PDZRN4: variants seen among roughly 807,000 people sequenced by gnomAD.
The protein encoded by PDZRN4 is PDZ domain containing ring finger 4.
PDZRN4 carries 70 observed loss-of-function variants against 99.0 expected under a neutral mutation model. The ratio of observed to expected loss-of-function variants is 0.71; its 90% CI spans 0.58 to 0.86. The LOEUF is 0.86. PDZRN4 is among the 40% of genes least tolerant of loss of function. The probability of loss-of-function intolerance (pLI) is 0.00; values close to 1 mark genes in which losing one functional copy is unlikely to be tolerated. For missense variants in PDZRN4, 1,474 were observed against 1,331.2 expected, an observed-to-expected ratio of 1.11 and a Z score of -1.67; for synonymous variants, 551 against 501.6, an observed-to-expected ratio of 1.10 and a Z score of -1.32.
At chr12:41,560,908 G>A (rs1424914745) in intron 7 of PDZRN4, among the ~76,000 whole-genome samples, 1 of 152,152 alleles carries the variant, frequency 6.6e-6, no homozygotes, top group African/African-American at 2.4e-5. Context: ...TGGCTAAAGT[G>A]TGGCACTTAT....
rs745638939 is a variant in PDZRN4 at position 41,188,737 on chromosome 12, G to T, written c.282G>T (p.Leu94=). The part of the protein sequence containing the change: ...RARGCGHSVR[L]HELEAHVEHC... ...GCGGCTGCGGCCACTCGGTCAGGCT[G>T]CACGAGCTGGAGGCGCACGTCGAGC... is the stretch of plus-strand genomic sequence containing the variant. Residue 94 remains leucine (L), a synonymous_variant, in exon 1 of 10, where the codon CTG becomes CTT. Transcript: ENST00000402685. The T allele has an allele frequency of 6.5e-7, 1 of 1,542,440 alleles. No homozygotes were observed. The highest frequency in any genetic ancestry group is 1.2e-5 in the South Asian group (1 of 82,846).
At chr12:41,550,106 C>G (rs1939026640) in intron 5 of PDZRN4, among the ~76,000 whole-genome samples, 3 of 152,152 alleles carry the variant, frequency 2.0e-5, no homozygotes, top group African/African-American at 7.2e-5. Flanking sequence ...TGTTTTAATA[C>G]ATTCACTCAA....
At chr12:41,476,941 T>A (rs1196253168) in intron 3 of PDZRN4, among the ~76,000 whole-genome samples, 1 of 152,236 alleles carries the variant, frequency 6.6e-6, no homozygotes, top group Non-Finnish European at 1.5e-5. Flanking sequence ...TTGTGTTTTG[T>A]TATTCTGCAG....
intron 3 of PDZRN4, among the ~76,000 whole-genome samples, chr12:41,318,148 G>T (rs1052692967): frequency 2.6e-5 from 4 of 152,072 alleles, no homozygotes; most frequent in Non-Finnish European, 5.9e-5. Flanking sequence ...AAACTTTGTT[G>T]TTTAGATCGT....
In PDZRN4 at chr12:41,573,594, C is replaced by T. The variant is rs144265671; in HGVS notation, c.2815C>T (p.Arg939Cys). 3 of 1,613,224 alleles carry T rather than the reference C, an allele frequency of 1.9e-6. No individual in the cohort carries two copies. Among genetic ancestry groups the T allele is most frequent in the South Asian group, 1.1e-5 (1 of 91,020 alleles). The change falls in exon 10 of 10, where the codon CGC becomes TGC. Residue 939 changes from arginine (R) to cysteine (C), a missense_variant. Arg to Cys is a radical substitution (Grantham distance 180). Coordinates refer to ENST00000402685, the MANE Select transcript of PDZRN4 (RefSeq NM_001164595.2). ...CACCATGAGCGAGATGAAAATGGGG[C>T]GCTACTGGAGCAAAGAGGAGAGAAA... ...DDTMSEMKMG[R>C]YWSKEERKQH...
At chr12:41,571,344 T>A in intron 9 of PDZRN4, among the ~76,000 whole-genome samples, 1 of 92,218 alleles carries the variant, frequency 1.1e-5, no homozygotes, top group African/African-American at 4.2e-5. Context: ...AGTCTCTCTC[T>A]CTCTCTCTCT....
intron 3 of PDZRN4, among the ~76,000 whole-genome samples, chr12:41,468,709 G>C (rs1402686247): frequency 6.6e-6 from 1 of 152,138 alleles, no homozygotes; most frequent in Non-Finnish European, 1.5e-5. Flanking sequence ...ACTTACACTT[G>C]TTAGAATAAC....
At chr12:41,516,153 T>G (rs533619108) in intron 5 of PDZRN4, among the ~76,000 whole-genome samples, 1 of 152,166 alleles carries the variant, frequency 6.6e-6, no homozygotes, top group African/African-American at 2.4e-5. Flanking sequence ...ACCGCAATCT[T>G]TCCCACCACT....
intron 3 of PDZRN4, among the ~76,000 whole-genome samples, chr12:41,490,677 G>T (rs1256503132): frequency 6.6e-6 from 1 of 152,010 alleles, no homozygotes; most frequent in African/African-American, 2.4e-5. Context: ...AGACTCTCTT[G>T]TCTTGAGGCT....
chr12:41,326,312 T>C (rs957407953), intron 3 of PDZRN4, among the ~76,000 whole-genome samples: 1 of 152,088 alleles, frequency 6.6e-6, no homozygotes, highest in Non-Finnish European at 1.5e-5. Flanking sequence ...CCGGTAGCAA[T>C]GCACTTACAT....
At chr12:41,375,497 ATATAGCAATCC>A (rs1411458570) in intron 3 of PDZRN4, among the ~76,000 whole-genome samples, 2 of 152,164 alleles carry the variant, frequency 1.3e-5, no homozygotes, top group African/African-American at 4.8e-5. Context: ...AACTCATTGA[ATATAGCAATCC>A]TATAAGCTAG....
chr12:41,438,676 A>T (rs767979620), intron 3 of PDZRN4, among the ~76,000 whole-genome samples: 1 of 152,186 alleles, frequency 6.6e-6, no homozygotes, highest in African/African-American at 2.4e-5. Context: ...CCTAGAAAAA[A>T]GTGTATAAAT....
At chr12:41,569,430 T>C (rs1161011219) in intron 9 of PDZRN4, among the ~76,000 whole-genome samples, 3 of 152,040 alleles carry the variant, frequency 2.0e-5, no homozygotes, top group African/African-American at 7.2e-5. Flanking sequence ...AATTTTTGTA[T>C]TTTTAGTAGA....
chr12:41,427,971 C>T (rs1270003949), intron 3 of PDZRN4, among the ~76,000 whole-genome samples: 6 of 151,994 alleles, frequency 3.9e-5, no homozygotes, highest in African/African-American at 1.5e-4. Flanking sequence ...GCTTGTAATC[C>T]CAGCTACTTA....
chr12:41,512,155 C>A (rs943391903), intron 5 of PDZRN4, among the ~76,000 whole-genome samples: 3 of 152,030 alleles, frequency 2.0e-5, no homozygotes, highest in Non-Finnish European at 2.9e-5. Flanking sequence ...AAAGAAGACT[C>A]CTTTTTCATC....
chr12:41,487,621 G>A (rs1937801271), intron 3 of PDZRN4, among the ~76,000 whole-genome samples: 1 of 152,164 alleles, frequency 6.6e-6, no homozygotes, highest in African/African-American at 2.4e-5. Flanking sequence ...CTATTTACAT[G>A]TTTGGTTATA....
At chr12:41,284,912 A>G (rs1951412387) in intron 3 of PDZRN4, among the ~76,000 whole-genome samples, 1 of 152,196 alleles carries the variant, frequency 6.6e-6, no homozygotes, top group Non-Finnish European at 1.5e-5. Context: ...ACCCTAGAAG[A>G]AAACCTAGGC....
chr12:41,551,075 G>A (rs557157541), intron 5 of PDZRN4, among the ~76,000 whole-genome samples: 2 of 152,250 alleles, frequency 1.3e-5, no homozygotes, highest in South Asian at 4.1e-4. Flanking sequence ...ACCATGAACA[G>A]GGTGGCTTCT....
intron 7 of PDZRN4, among the ~76,000 whole-genome samples, chr12:41,561,907 G>A (rs1191727116): frequency 6.6e-6 from 1 of 152,066 alleles, no homozygotes; most frequent in Non-Finnish European, 1.5e-5. Flanking sequence ...TAGAGGGTAG[G>A]GGAAGTATAG....
Sources: allele counts gnomAD v4.1 joint callset (sites outside exome capture counted in the v4.1 genomes callset), GRCh38; gene constraint gnomAD v4.1.1; transcripts MANE v1.5; gene names NCBI Gene and HGNC (gene_info 2026-07-23, HGNC 2026-07-21).